Variants in SPIN2A observed in about 807,000 individuals in gnomAD.
The protein encoded by SPIN2A is spindlin family member 2A.
Under a neutral mutation model 9.2 loss-of-function variants are expected in SPIN2A, and 4 were observed. The ratio of observed to expected loss-of-function variants is 0.44; its 90% CI spans 0.21 to 1.00. The LOEUF (loss-of-function observed/expected upper bound fraction) is 1.00. Ranked by LOEUF, SPIN2A falls within the 50% of genes least tolerant of loss-of-function variation. The pLI, the probability that SPIN2A is intolerant of heterozygous loss-of-function variation, is 0.26. For synonymous variants in SPIN2A, 25 were observed against 61.2 expected (o/e 0.41, Z 2.76); for missense variants, 77 against 172.8 (o/e 0.45, Z 3.11).
the SPIN2A span, among the ~76,000 whole-genome samples, chrX:57,143,513 A>G: frequency 2.6e-4 from 29 of 110,484 alleles, no homozygotes; most frequent in Non-Finnish European, 4.7e-4. Flanking sequence ...ATCTCACTCT[A>G]TCACCCAAGT....
upstream of SPIN2A, among the ~76,000 whole-genome samples, chrX:57,140,520 G>A (rs1344289117): frequency 9.6e-6 from 1 of 104,610 alleles, no homozygotes; most frequent in Non-Finnish European, 2.0e-5. Flanking sequence ...GCGTGAACCC[G>A]GGAAGCAGAG....
At chrX:57,139,705 T>C (rs934122879), upstream of SPIN2A, among the ~76,000 whole-genome samples, 4 of 111,519 alleles carry the variant, frequency 3.6e-5, no homozygotes, top group Admixed American at 9.5e-5. Context: ...CCGCCCGCCT[T>C]GGCCTCCCAA....
the SPIN2A span, among the ~76,000 whole-genome samples, chrX:57,145,169 C>T: frequency 9.0e-6 from 1 of 110,973 alleles, no homozygotes; most frequent in African/African-American, 3.3e-5. Context: ...TTTACATTCC[C>T]ACCAGCAGTG....
chrX:57,144,739 T>C, the SPIN2A span, among the ~76,000 whole-genome samples: 1 of 110,930 alleles, frequency 9.0e-6, no homozygotes, highest in African/African-American at 3.3e-5. Flanking sequence ...TCCTCAGAGC[T>C]TAGCTCCCAC....
chrX:57,141,986 T>G (rs1242339556), upstream of SPIN2A, among the ~76,000 whole-genome samples: 2 of 110,974 alleles, frequency 1.8e-5, no homozygotes, highest in Non-Finnish European at 3.8e-5. Context: ...TCATCTGTCA[T>G]TTTATTTATT....
At chrX:57,134,395 G>T (rs768219636), downstream of SPIN2A, 1 of 111,597 alleles carries the variant, frequency 9.0e-6, no homozygotes, top group South Asian at 3.8e-4. Context: ...GCAGACACCA[G>T]CTTTGTGGGG....
chrX:57,138,422 A>T (rs943511309), upstream of SPIN2A, among the ~76,000 whole-genome samples: 7 of 107,367 alleles, frequency 6.5e-5, no homozygotes, highest in South Asian at 3.8e-4. Flanking sequence ...ATATTTTATT[A>T]TATATATATA....
At chrX:57,143,662 G>T in the SPIN2A span, among the ~76,000 whole-genome samples, 4 of 110,213 alleles carry the variant, frequency 3.6e-5, no homozygotes, top group Non-Finnish European at 7.6e-5. Context: ...ATTTTTGGTA[G>T]ACAGGGGGTT....
downstream of SPIN2A, chrX:57,135,591 C>T: frequency 3.2e-6 from 2 of 626,771 alleles, no homozygotes; most frequent in Non-Finnish European, 4.7e-6. Context: ...TCCTTCCATG[C>T]CCCATCTACC....
chrX:57,140,100 T>TCTAGG (rs1338808110), upstream of SPIN2A, among the ~76,000 whole-genome samples: 1 of 111,713 alleles, frequency 9.0e-6, no homozygotes, highest in Non-Finnish European at 1.9e-5. Context: ...TCTAGGTATT[T>TCTAGG]TATATTTTGT....
upstream of SPIN2A, among the ~76,000 whole-genome samples, chrX:57,141,272 C>A (rs146466619): frequency 1.2e-4 from 13 of 111,987 alleles, no homozygotes; most frequent in East Asian, 3.6e-3. Context: ...ATCATTGCAT[C>A]CCTAAGATTA....
chrX:57,146,223 G>C, the SPIN2A span, among the ~76,000 whole-genome samples: 1 of 110,717 alleles, frequency 9.0e-6, no homozygotes, highest in African/African-American at 3.3e-5. Flanking sequence ...CCATTTGTTT[G>C]TGTTATCTGT....
chrX:57,141,419 T>C (rs1451884328), upstream of SPIN2A, among the ~76,000 whole-genome samples: 1 of 112,016 alleles, frequency 8.9e-6, no homozygotes, highest in African/African-American at 3.2e-5. Context: ...TCTTTGGTTA[T>C]GACATCTGAA....
downstream of SPIN2A, chrX:57,135,069 C>T (rs944942501): frequency 1.8e-5 from 2 of 111,739 alleles, no homozygotes; most frequent in African/African-American, 6.5e-5. Context: ...GGCCCCATAC[C>T]CCACAACTCT....
chrX:57,141,796 A>G (rs920591729), upstream of SPIN2A, among the ~76,000 whole-genome samples: 1 of 109,635 alleles, frequency 9.1e-6, no homozygotes, highest in Non-Finnish European at 1.9e-5. Context: ...TTTTTTTTAA[A>G]TGTTACTTTA....
At chrX:57,136,749 C>G (rs1401718989) in intron 1 of SPIN2A, 147 bp from the exon 2 acceptor site, 1 of 244,669 alleles carries the variant, frequency 4.1e-6, no homozygotes, top group Non-Finnish European at 7.4e-6. Context: ...GCTGCATGCC[C>G]GCAGTGCTCT....
chrX:57,143,417 T>A, the SPIN2A span, among the ~76,000 whole-genome samples: 1 of 110,660 alleles, frequency 9.0e-6, no homozygotes, highest in South Asian at 3.9e-4. Context: ...CATCCCCCCT[T>A]ACGACTTTTT....
At chrX:57,137,024 C>T (rs1927821798) in intron 1 of SPIN2A, 9 of 835,934 alleles carry the variant, frequency 1.1e-5, no homozygotes, top group Non-Finnish European at 1.3e-5. Context: ...CTGTTACCTA[C>T]CTCCCTTGCT....
upstream of SPIN2A, among the ~76,000 whole-genome samples, chrX:57,139,829 G>A (rs752517281): frequency 4.6e-4 from 51 of 111,265 alleles, no homozygotes; most frequent in Admixed American, 2.3e-3. Context: ...GGATTGCTTT[G>A]GCCATTCTGA....
Sources: gnomAD v4.1 joint callset for allele counts (sites outside exome capture counted in the v4.1 genomes callset) on GRCh38, gnomAD v4.1.1 for gene constraint, MANE v1.5 for transcripts, NCBI Gene and HGNC (gene_info 2026-07-23, HGNC 2026-07-21) for gene names.